Variants in SNTG2 observed in about 807,000 individuals in gnomAD.
SNTG2 encodes gamma-2-syntrophin.
Under a neutral mutation model 70.9 loss-of-function variants are expected in SNTG2, and 74 were observed. The ratio of observed to expected loss-of-function variants is 1.04; its 90% CI spans 0.86 to 1.27. The LOEUF is 1.27. Ranked by LOEUF, SNTG2 falls within the 50% of genes most tolerant of loss-of-function variation. SNTG2 has a pLI of 0.00. For synonymous variants in SNTG2, 278 were observed against 273.8 expected (o/e 1.02, Z -0.15); for missense variants, 717 against 690.7 (o/e 1.04, Z -0.43).
intron 13 of SNTG2, among the ~76,000 whole-genome samples, chr2:1,259,726 T>C (rs1479521005): frequency 6.6e-6 from 1 of 152,200 alleles, no homozygotes; most frequent in Non-Finnish European, 1.5e-5. Flanking sequence ...TTTTATGACA[T>C]CCACTTACAA....
chr2:1,189,983 C>T (rs1006219798), intron 8 of SNTG2, among the ~76,000 whole-genome samples: 1 of 151,930 alleles, frequency 6.6e-6, no homozygotes, highest in Non-Finnish European at 1.5e-5. Context: ...TCTTTAAAAC[C>T]TTTGGGAAGA....
intron 7 of SNTG2, among the ~76,000 whole-genome samples, chr2:1,166,003 A>G (rs1025540709): frequency 6.6e-6 from 1 of 152,218 alleles, no homozygotes; most frequent in South Asian, 2.1e-4. Context: ...CAGTGCAAAA[A>G]ATGAAAATAA....
chr2:1,311,713 G>A (rs1375734873), intron 15 of SNTG2, among the ~76,000 whole-genome samples: 4 of 152,074 alleles, frequency 2.6e-5, no homozygotes, highest in Admixed American at 2.6e-4. Flanking sequence ...ACTTTCTCCG[G>A]TACCCACATG....
chr2:1,241,304 G>A (rs1677030167), intron 11 of SNTG2, among the ~76,000 whole-genome samples: 1 of 152,174 alleles, frequency 6.6e-6, no homozygotes, highest in Non-Finnish European at 1.5e-5. Flanking sequence ...ACAGATCCTT[G>A]ATGCTAAACA....
intron 1 of SNTG2, among the ~76,000 whole-genome samples, chr2:1,065,008 C>T (rs974871370): frequency 1.2e-4 from 19 of 152,092 alleles, no homozygotes; most frequent in South Asian, 4.2e-4. Context: ...ATATCAGACG[C>T]GGTGGATTGT....
intron 1 of SNTG2, among the ~76,000 whole-genome samples, chr2:999,596 A>G (rs992540269): frequency 2.0e-5 from 3 of 152,052 alleles, no homozygotes; most frequent in African/African-American, 7.2e-5. Flanking sequence ...AGCTATAACA[A>G]TCATAAATAT....
At chr2:1,275,450 C>T (rs1333120730) in intron 14 of SNTG2, among the ~76,000 whole-genome samples, 6 of 152,210 alleles carry the variant, frequency 3.9e-5, no homozygotes, top group African/African-American at 1.4e-4. Flanking sequence ...TTTTCATTAT[C>T]ACTATATCTG....
chr2:1,005,542 A>G (rs1572212779), intron 1 of SNTG2, among the ~76,000 whole-genome samples: 1 of 151,676 alleles, frequency 6.6e-6, no homozygotes, highest in Admixed American at 6.6e-5. Context: ...AGTGGCTCAC[A>G]CCTGTAATCC....
intron 8 of SNTG2, among the ~76,000 whole-genome samples, chr2:1,198,347 C>A (rs755715176): frequency 1.1e-4 from 17 of 151,590 alleles, no homozygotes; most frequent in Non-Finnish European, 2.4e-4. Context: ...TAGGATATAG[C>A]AAAAACAATA....
In SNTG2 at chr2:1,253,671, CTG is replaced by C. The variant is rs531941278; in HGVS notation, c.1006-5695_1006-5694del. On this transcript the variant is annotated intron_variant, in intron 12 of 16. Transcript: ENST00000308624. Reference sequence around the variant, plus strand: ...AATAGAGAAAAGAAGGTGTATTCGTCTGTGTTCACATTGCTCTAAAGAAATGC... The same window carrying C: ...AATAGAGAAAAGAAGGTGTATTCGTCTGTTCACATTGCTCTAAAGAAATGC... Among the ~76,000 whole-genome samples, 19 of 152,278 alleles carry C rather than the reference CTG, an allele frequency of 1.2e-4. No individual in the cohort carries two copies. The East Asian group carries it at 3.5e-3, about 28-fold the overall frequency.
chr2:1,288,645 GATAC>G (rs56211951), intron 14 of SNTG2, among the ~76,000 whole-genome samples: 48,071 of 151,800 alleles, frequency 0.32, 8,157 homozygotes, highest in Middle Eastern at 0.46. Flanking sequence ...CACACATGAA[GATAC>G]ATACATACAT....
intron 6 of SNTG2, 25 bp downstream of exon 6, chr2:1,137,834 A>T (rs371787532): frequency 1.1e-5 from 18 of 1,577,252 alleles, no homozygotes; most frequent in Admixed American, 1.7e-5. Context: ...TTTTATAGTT[A>T]TTCTGTTTAT....
intron 14 of SNTG2, among the ~76,000 whole-genome samples, chr2:1,277,702 A>T (rs1679324305): frequency 6.6e-6 from 1 of 152,226 alleles, no homozygotes; most frequent in South Asian, 2.1e-4. Flanking sequence ...AAACCATAGC[A>T]GGGAGTCAGG....
At chr2:1,296,575 T>A (rs1405363405) in intron 14 of SNTG2, among the ~76,000 whole-genome samples, 3 of 152,240 alleles carry the variant, frequency 2.0e-5, no homozygotes, top group Non-Finnish European at 1.5e-5. Context: ...TGACCTAGGC[T>A]CCTGGCCCAC....
chr2:1,259,561 A>G, intron 13 of SNTG2, 120 bp downstream of exon 13: 1 of 812,922 alleles, frequency 1.2e-6, no homozygotes, highest in Non-Finnish European at 2.0e-6. Context: ...AAATAGTAAA[A>G]TAATGTGACG....
chr2:1,117,394 T>G (rs1404949841), intron 4 of SNTG2, among the ~76,000 whole-genome samples: 1 of 152,182 alleles, frequency 6.6e-6, no homozygotes, highest in Non-Finnish European at 1.5e-5. Context: ...TAGAAACAAC[T>G]TTTACTATTA....
intron 9 of SNTG2, among the ~76,000 whole-genome samples, chr2:1,222,529 C>CCAACTGCGTCGGATTCCTCAG (rs1675359649): frequency 9.7e-6 from 1 of 103,424 alleles, no homozygotes; most frequent in South Asian, 3.6e-4. Flanking sequence ...CTGCCTGCTG[C>CCAACTGCGTCGGATTCCTCAG]TGGAGGTGCT....
chr2:1,189,537 A>G (rs1375384729), intron 8 of SNTG2, among the ~76,000 whole-genome samples: 1 of 151,250 alleles, frequency 6.6e-6, no homozygotes, highest in Non-Finnish European at 1.5e-5. Context: ...ACTGAAACAC[A>G]ATAGAGGAAA....
At chr2:1,198,496 T>C (rs1377965335) in intron 8 of SNTG2, among the ~76,000 whole-genome samples, 2 of 151,310 alleles carry the variant, frequency 1.3e-5, no homozygotes, top group African/African-American at 4.8e-5. Context: ...AACAACCTTA[T>C]AGTTAGCCTA....
Sources: allele counts gnomAD v4.1 joint callset (sites outside exome capture counted in the v4.1 genomes callset), GRCh38; gene constraint gnomAD v4.1.1; transcripts MANE v1.5; gene names NCBI Gene and HGNC (gene_info 2026-07-23, HGNC 2026-07-21).